LRBA: variants seen among roughly 807,000 people sequenced by gnomAD.
The protein encoded by LRBA is lipopolysaccharide-responsive and beige-like anchor protein.
Under a neutral mutation model 330.0 loss-of-function variants are expected in LRBA, and 176 were observed. The ratio of observed to expected loss-of-function variants is 0.53; its 90% CI spans 0.47 to 0.60. The LOEUF (loss-of-function observed/expected upper bound fraction) is 0.60, where lower values mean the gene tolerates loss of function less well. LRBA is among the 20% of genes least tolerant of loss of function. The probability of loss-of-function intolerance (pLI) is 0.00; values close to 1 mark genes in which losing one functional copy is unlikely to be tolerated. For missense variants in LRBA, 3,259 were observed against 3,444.8 expected, an observed-to-expected ratio of 0.95 and a Z score of 1.35; for synonymous variants, 1,230 against 1,193.0, an observed-to-expected ratio of 1.03 and a Z score of -0.64.
intron 40 of LRBA, chr4:150,584,186 A>T (rs1771790630): frequency 7.1e-7 from 1 of 1,406,302 alleles, no homozygotes; most frequent in Non-Finnish European, 9.3e-7. Flanking sequence ...AAACAGCAGA[A>T]ACTCTGGACA....
chr4:150,487,007 T>C (rs1757956563), intron 42 of LRBA, among the ~76,000 whole-genome samples: 1 of 151,864 alleles, frequency 6.6e-6, no homozygotes, highest in Non-Finnish European at 1.5e-5. Flanking sequence ...ATTGCATATA[T>C]ATACAACCAA....
At chr4:150,970,330 T>C (rs1386015090) in intron 2 of LRBA, among the ~76,000 whole-genome samples, 1 of 151,574 alleles carries the variant, frequency 6.6e-6, no homozygotes. Flanking sequence ...GGAGACCCCA[T>C]CTCTACAAAA....
intron 30 of LRBA, among the ~76,000 whole-genome samples, chr4:150,821,039 G>T (rs1044380673): frequency 6.6e-6 from 1 of 152,076 alleles, no homozygotes; most frequent in African/African-American, 2.4e-5. Context: ...CAGACAATGT[G>T]CTAGGGATAT....
rs142443428 is a variant in LRBA, at chr4:150,971,712, T to A, written c.217-42647A>T. Among the ~76,000 whole-genome samples the A allele has an allele frequency of 1.2e-3, 179 of 152,282 alleles. 1 individual carries two copies. The highest frequency in any genetic ancestry group is 6.2e-3 in the East Asian group (32 of 5,188). On this transcript the variant is annotated intron_variant, in intron 2 of 56. Transcript: ENST00000651943. ...CTAAATTTTATGTAACAAATAGCTA[T>A]AAACAAATGAAACATTAAGAGCTCT...
chr4:150,422,641 T>C, intron 46 of LRBA: 1 of 618,268 alleles, frequency 1.6e-6, no homozygotes, highest in Non-Finnish European at 3.0e-6. Context: ...GCACCCTGAG[T>C]TCCTTAGAAG....
intron 2 of LRBA, among the ~76,000 whole-genome samples, chr4:150,967,176 AAT>A (rs1193466233): frequency 6.6e-6 from 1 of 152,226 alleles, no homozygotes; most frequent in Non-Finnish European, 1.5e-5. Context: ...TCAGAACTCT[AAT>A]GATAGCACAT....
intron 2 of LRBA, among the ~76,000 whole-genome samples, chr4:151,008,713 G>A (rs1034321376): frequency 1.3e-5 from 2 of 151,548 alleles, no homozygotes; most frequent in African/African-American, 4.8e-5. Context: ...AGTGGCTCAC[G>A]CCTGTAATCC....
At chr4:150,616,726 T>C (rs560893731) in intron 37 of LRBA, among the ~76,000 whole-genome samples, 1 of 152,198 alleles carries the variant, frequency 6.6e-6, no homozygotes, top group Non-Finnish European at 1.5e-5. Context: ...GAAATAAATC[T>C]TTCAGTTATT....
intron 41 of LRBA, among the ~76,000 whole-genome samples, chr4:150,488,903 GAATATAT>G: frequency 2.4e-5 from 3 of 123,210 alleles, no homozygotes; most frequent in African/African-American, 9.0e-5. Context: ...ACACACATAA[GAATATAT>G]ACACACACAT....
intron 40 of LRBA, among the ~76,000 whole-genome samples, chr4:150,508,796 T>C (rs1761479657): frequency 6.6e-6 from 1 of 152,086 alleles, no homozygotes; most frequent in African/African-American, 2.4e-5. Context: ...CCTCTGTAAT[T>C]AATAAAACAA....
intron 22 of LRBA, among the ~76,000 whole-genome samples, chr4:150,865,978 A>G (rs1273670569): frequency 2.0e-5 from 3 of 152,170 alleles, no homozygotes; most frequent in Admixed American, 1.3e-4. Flanking sequence ...GGCCTCCCAA[A>G]GTGCTGGGAT....
In LRBA at chr4:150,450,804, G is replaced by A. The variant is rs568914910; in HGVS notation, c.6781-13940C>T. The stretch of plus-strand genomic sequence containing the variant: ...AATCCTAGCACTTTGGGAGGCCAAG[G>A]CAGACAAATCACTTGAGGCCAGGAG... On this transcript the variant is annotated intron_variant, in intron 44 of 56. Coordinates refer to ENST00000651943, the MANE Select transcript of LRBA (RefSeq NM_001364905.1). Among the ~76,000 whole-genome samples the A allele has an allele frequency of 7.9e-5, 12 of 152,278 alleles. No homozygotes were observed. In the South Asian group the frequency reaches 2.5e-3, roughly 32 times the overall value.
chr4:150,615,417 C>T (rs897046302), intron 37 of LRBA, among the ~76,000 whole-genome samples: 1 of 151,896 alleles, frequency 6.6e-6, no homozygotes, highest in African/African-American at 2.4e-5. Flanking sequence ...TTGCAATAAT[C>T]CAGGAGAGAG....
chr4:150,478,495 G>A lies in LRBA; in HGVS notation c.6552-6756C>T, dbSNP rs183588211. ...TTGTCATCACCCCCCAAATCTCTGA[G>A]TCTTATAAATTATATTTCTTAAAAA... On this transcript the variant is annotated intron_variant, in intron 42 of 56. Coordinates refer to ENST00000651943, the MANE Select transcript of LRBA (RefSeq NM_001364905.1). 7.2e-5 allele frequency among the ~76,000 whole-genome samples: 11 copies of A among 152,190 alleles called. No individual in the cohort carries two copies. In the East Asian group the frequency reaches 1.9e-3, roughly 27 times the overall value.
At chr4:150,319,446 T>C (rs1046915879) in intron 50 of LRBA, among the ~76,000 whole-genome samples, 3 of 152,070 alleles carry the variant, frequency 2.0e-5, no homozygotes, top group African/African-American at 7.2e-5. Context: ...ATAGAACATA[T>C]CACCAGCATG....
intron 44 of LRBA, among the ~76,000 whole-genome samples, chr4:150,456,445 A>G (rs993660969): frequency 6.6e-6 from 1 of 152,126 alleles, no homozygotes; most frequent in African/African-American, 2.4e-5. Flanking sequence ...GCCTTTTCAT[A>G]TGCCTGCATG....
At chr4:150,266,774 C>A (rs1745395693) in intron 56 of LRBA, among the ~76,000 whole-genome samples, 1 of 152,126 alleles carries the variant, frequency 6.6e-6, no homozygotes, top group Non-Finnish European at 1.5e-5. Context: ...AAGAGATTGG[C>A]AGAATGGATA....
At chr4:150,439,320 T>C (rs979760718) in intron 44 of LRBA, among the ~76,000 whole-genome samples, 5 of 148,370 alleles carry the variant, frequency 3.4e-5, no homozygotes, top group African/African-American at 7.3e-5. Flanking sequence ...CCAATTAGGA[T>C]TGATTTCACT....
At chr4:150,675,414 C>T (rs1023388171) in intron 37 of LRBA, among the ~76,000 whole-genome samples, 2 of 152,062 alleles carry the variant, frequency 1.3e-5, no homozygotes, top group African/African-American at 4.8e-5. Context: ...ATGAGATAAT[C>T]CTTATAAAAA....
Sources: allele counts gnomAD v4.1 joint callset (sites outside exome capture counted in the v4.1 genomes callset), GRCh38; gene constraint gnomAD v4.1.1; transcripts MANE v1.5; gene names NCBI Gene and HGNC (gene_info 2026-07-23, HGNC 2026-07-21).